Variants in FUT8 observed in about 807,000 individuals in gnomAD.
FUT8 encodes alpha-(1,6)-fucosyltransferase.
A neutral mutation model predicts 71.3 loss-of-function variants in FUT8; 29 were observed. That is an observed-to-expected ratio of 0.41 (90% CI 0.30 to 0.55). FUT8 has a LOEUF of 0.55. FUT8 is among the 20% of genes least tolerant of loss of function. The probability of loss-of-function intolerance (pLI) is 0.34; values close to 1 mark genes in which losing one functional copy is unlikely to be tolerated. For missense variants in FUT8, 544 were observed against 702.1 expected, an observed-to-expected ratio of 0.77 and a Z score of 2.55; for synonymous variants, 254 against 239.3, an observed-to-expected ratio of 1.06 and a Z score of -0.57.
intron 1 of FUT8, among the ~76,000 whole-genome samples, chr14:65,437,964 T>A (rs1431340063): frequency 6.6e-6 from 1 of 152,222 alleles, no homozygotes; most frequent in Non-Finnish European, 1.5e-5. Context: ...GTTTTCTGTT[T>A]GTTGGACATG....
the FUT8 span, among the ~76,000 whole-genome samples, chr14:65,386,377 G>A: frequency 3.0e-4 from 45 of 151,632 alleles, no homozygotes; most frequent in African/African-American, 9.4e-4. Context: ...GGTGGTGTGC[G>A]CCTATAGTTT....
chr14:65,478,593 A>C (rs1323753658), intron 2 of FUT8, among the ~76,000 whole-genome samples: 1 of 152,138 alleles, frequency 6.6e-6, no homozygotes, highest in Non-Finnish European at 1.5e-5. Flanking sequence ...TGCAGTGTTA[A>C]ATTTTTAGTT....
chr14:65,449,192 G>A (rs2065785517), intron 1 of FUT8, among the ~76,000 whole-genome samples: 1 of 152,180 alleles, frequency 6.6e-6, no homozygotes, highest in African/African-American at 2.4e-5. Flanking sequence ...ACCAAAGGAA[G>A]GGGAGTAGTG....
At chr14:65,408,596 G>A (rs1340675761), upstream of FUT8, among the ~76,000 whole-genome samples, 1 of 152,176 alleles carries the variant, frequency 6.6e-6, no homozygotes, top group Non-Finnish European at 1.5e-5. Context: ...CTATTAATAA[G>A]GAAGGACGGG....
At chr14:65,704,633 G>T (rs1026371804) in intron 7 of FUT8, among the ~76,000 whole-genome samples, 2 of 152,190 alleles carry the variant, frequency 1.3e-5, no homozygotes, top group Non-Finnish European at 2.9e-5. Context: ...ACTGTTGGCA[G>T]TATCCCCTTT....
At chr14:65,664,695 C>T (rs1223227927) in intron 6 of FUT8, among the ~76,000 whole-genome samples, 1 of 152,094 alleles carries the variant, frequency 6.6e-6, no homozygotes, top group Admixed American at 6.6e-5. Context: ...TTCTAGGGCT[C>T]TGCTTGACAG....
intron 7 of FUT8, among the ~76,000 whole-genome samples, chr14:65,709,348 A>G (rs1026008324): frequency 6.6e-6 from 1 of 152,202 alleles, no homozygotes; most frequent in African/African-American, 2.4e-5. Context: ...AAAGATTACT[A>G]GAGATGATTT....
intron 6 of FUT8, among the ~76,000 whole-genome samples, chr14:65,635,205 T>C (rs1026826487): frequency 6.6e-6 from 1 of 152,216 alleles, no homozygotes; most frequent in African/African-American, 2.4e-5. Context: ...TTCCGTAAAC[T>C]CTACTGAATT....
chr14:65,464,903 C>T (rs997033062), intron 2 of FUT8, among the ~76,000 whole-genome samples: 2 of 152,170 alleles, frequency 1.3e-5, no homozygotes, highest in African/African-American at 4.8e-5. Flanking sequence ...TTGGTATCAT[C>T]TGTTCCTTAA....
At chr14:65,471,598 A>G (rs569890172) in intron 2 of FUT8, among the ~76,000 whole-genome samples, 2 of 152,210 alleles carry the variant, frequency 1.3e-5, no homozygotes, top group East Asian at 3.9e-4. Flanking sequence ...TGCTGGCTTC[A>G]GTTGAGAGCT....
chr14:65,443,155 A>AC (rs2065686697), intron 1 of FUT8, among the ~76,000 whole-genome samples: 1 of 151,810 alleles, frequency 6.6e-6, no homozygotes, highest in African/African-American at 2.4e-5. Flanking sequence ...TCACGCCTGT[A>AC]ATCCCAGCAC....
rs1891900290 is a variant in FUT8 at position 65,660,362 on chromosome 14, C to T, written c.598-8881C>T. On this transcript the variant is annotated intron_variant, in intron 6 of 10. Transcript: ENST00000673929. This position sits in a 1 kb window ranked among gnomAD's most constrained non-coding sequence, Gnocchi z 4.1. The stretch of plus-strand genomic sequence containing the variant: ...CTTTAAAGCATTTAATAGAGACTTT[C>T]AGGTAAAGAGCAAAAGTTTTTAAAA... Among the ~76,000 whole-genome samples, 1 of 152,128 alleles carries T rather than the reference C, an allele frequency of 6.6e-6. No homozygotes were observed. The highest frequency in any genetic ancestry group is 2.4e-5 in the African/African-American group (1 of 41,430).
At chr14:65,446,887 T>G (rs1335225363) in intron 1 of FUT8, among the ~76,000 whole-genome samples, 1 of 152,058 alleles carries the variant, frequency 6.6e-6, no homozygotes, top group Non-Finnish European at 1.5e-5. Flanking sequence ...CAAGCTGGAC[T>G]TGAACTCCTG....
At chr14:65,423,151 A>G (rs1373848060) in intron 1 of FUT8, among the ~76,000 whole-genome samples, 2 of 150,926 alleles carry the variant, frequency 1.3e-5, no homozygotes, top group Admixed American at 6.6e-5. Flanking sequence ...ACGCCTGGCT[A>G]ATTTTTGTAT....
intron 3 of FUT8, among the ~76,000 whole-genome samples, chr14:65,569,280 A>G (rs895717148): frequency 1.3e-5 from 2 of 151,658 alleles, no homozygotes; most frequent in African/African-American, 2.4e-5. Flanking sequence ...CTCAGCTACT[A>G]TTTCTTCAAA....
At chr14:65,576,349 A>G (rs1886773431) in intron 3 of FUT8, among the ~76,000 whole-genome samples, 1 of 152,202 alleles carries the variant, frequency 6.6e-6, no homozygotes, top group South Asian at 2.1e-4. Flanking sequence ...AAAGTTGACT[A>G]ACAAGGTTTG....
rs183483925 is a variant in FUT8, at chr14:65,685,266, G to A, written c.835+15786G>A. Among the ~76,000 whole-genome samples the A allele has an allele frequency of 1.6e-4, 25 of 152,222 alleles. No homozygotes were observed. In the East Asian group the frequency reaches 2.1e-3, roughly 13 times the overall value. The stretch of plus-strand genomic sequence containing the variant: ...AATTCAAAAAGGAGATTTGGACACA[G>A]TTTTCCCTGGCAGCACTGAAATAAG... On this transcript the variant is annotated intron_variant, in intron 7 of 10. Coordinates refer to ENST00000673929, the MANE Select transcript of FUT8 (RefSeq NM_001371533.1).
rs1251063475 is a variant in FUT8, at chr14:65,607,264, A to G, written c.204-8714A>G. On this transcript the variant is annotated intron_variant, in intron 3 of 10. Transcript: ENST00000673929. This position sits in a 1 kb window ranked among gnomAD's most constrained non-coding sequence, Gnocchi z 4.1. The stretch of plus-strand genomic sequence containing the variant: ...AGCATAGATGGCAGGCCTGTCTTCT[A>G]TTGTTCTTAGATTTAAAAGGAATGC... Among the ~76,000 whole-genome samples the G allele has an allele frequency of 6.6e-6, 1 of 151,846 alleles. No homozygotes were observed. The highest frequency in any genetic ancestry group is 1.5e-5 in the Non-Finnish European group (1 of 67,906).
intron 2 of FUT8, among the ~76,000 whole-genome samples, chr14:65,479,031 T>C (rs918633354): frequency 2.0e-5 from 3 of 152,226 alleles, no homozygotes; most frequent in African/African-American, 4.8e-5. Context: ...TAGCTTTTAA[T>C]GTGTTTTGGT....
Sources: allele counts gnomAD v4.1 joint callset (sites outside exome capture counted in the v4.1 genomes callset), GRCh38; gene constraint gnomAD v4.1.1; non-coding constraint Gnocchi (gnomAD v3.1); transcripts MANE v1.5; gene names NCBI Gene and HGNC (gene_info 2026-07-23, HGNC 2026-07-21).